The following TJP1 variants were observed in gnomAD, a reference collection of about 807,000 sequenced individuals.
TJP1 encodes tight junction protein 1, also known as tight junction protein ZO-1.
Under a neutral mutation model 194.2 loss-of-function variants are expected in TJP1, and 43 were observed. The ratio of observed to expected loss-of-function variants is 0.22; its 90% CI spans 0.17 to 0.29. TJP1 has a LOEUF of 0.29. Ranked by LOEUF, TJP1 falls within the 10% of genes least tolerant of loss-of-function variation. TJP1 has a pLI of 1.00. For synonymous variants in TJP1, 801 were observed against 779.0 expected, an observed-to-expected ratio of 1.03 and a Z score of -0.47; for missense variants, 1,971 against 2,185.7, an observed-to-expected ratio of 0.90 and a Z score of 1.96.
chr15:29,813,724 G>T (rs2049699182), intron 1 of TJP1, among the ~76,000 whole-genome samples: 1 of 152,146 alleles, frequency 6.6e-6, no homozygotes, highest in African/African-American at 2.4e-5. Context: ...CCCAGAAAAG[G>T]CATGTTAGGG....
intron 2 of TJP1, among the ~76,000 whole-genome samples, chr15:29,836,595 A>T (rs535586808): frequency 6.6e-6 from 1 of 152,258 alleles, no homozygotes; most frequent in African/African-American, 2.4e-5. Context: ...TAAAGAGTCA[A>T]CCTGGGACAC....
At chr15:29,925,314 G>T (rs547889792) in intron 2 of TJP1, among the ~76,000 whole-genome samples, 9 of 152,312 alleles carry the variant, frequency 5.9e-5, no homozygotes, top group African/African-American at 1.7e-4. Context: ...CACACAGCAT[G>T]AGGAAGCAAG....
intron 2 of TJP1, among the ~76,000 whole-genome samples, chr15:29,952,471 T>C (rs2055785518): frequency 6.6e-6 from 1 of 152,014 alleles, no homozygotes; most frequent in African/African-American, 2.4e-5. Context: ...AATGGCATCA[T>C]TCTGATGATG....
At chr15:29,932,922 A>C (rs190017208) in intron 2 of TJP1, among the ~76,000 whole-genome samples, 2 of 152,326 alleles carry the variant, frequency 1.3e-5, no homozygotes, top group African/African-American at 4.8e-5. Flanking sequence ...AAAACAATTT[A>C]ATGATTAATA....
At position 29,718,436 on chromosome 15, in the gene TJP1, C is replaced by T. The variant is rs758544035; in HGVS notation, c.3706G>A (p.Ala1236Thr). 29 of 1,614,046 alleles carry T rather than the reference C, an allele frequency of 1.8e-5. No individual in the cohort carries two copies. The South Asian group carries it at 2.3e-4, about 13-fold the overall frequency. Residue 1236 changes from alanine to threonine, a missense_variant, in exon 21 of 28, where the codon GCT (alanine) becomes ACT (threonine). By Grantham distance (58) the Ala-to-Thr change is moderately conservative (BLOSUM62 0). Transcript: ENST00000614355. ...LIPSSQHKPEALPSNTKPLPP... is the reference protein window; with the variant it reads ...LIPSSQHKPETLPSNTKPLPP... ...AGTGGTTTGGTGTTTGAAGGCAGAG[C>T]TTCTGGCTTATGCTGAGATGAAGGT...
chr15:29,746,663 GA>G (rs2044805116), intron 8 of TJP1, among the ~76,000 whole-genome samples: 1 of 151,682 alleles, frequency 6.6e-6, no homozygotes, highest in East Asian at 1.9e-4. Context: ...AATAAAGATT[GA>G]AAAAATATAT....
chr15:29,777,508 G>T (rs2047092882), intron 2 of TJP1, among the ~76,000 whole-genome samples: 1 of 151,976 alleles, frequency 6.6e-6, no homozygotes, highest in African/African-American at 2.4e-5. Context: ...ATAAAACAAT[G>T]AAACAATTTA....
chr15:29,730,908 G>C (rs949586266), intron 15 of TJP1: 7 of 1,230,750 alleles, frequency 5.7e-6, no homozygotes, highest in Admixed American at 5.0e-5. Flanking sequence ...TGGCAAGGAG[G>C]GGAATAACCC....
intron 2 of TJP1, among the ~76,000 whole-genome samples, chr15:29,937,639 C>A (rs1403958181): frequency 6.6e-6 from 1 of 152,134 alleles, no homozygotes; most frequent in Non-Finnish European, 1.5e-5. Context: ...GCAGACAACA[C>A]GGACCCACTC....
At chr15:29,797,470 A>G (rs1184021072) in intron 2 of TJP1, among the ~76,000 whole-genome samples, 1 of 152,108 alleles carries the variant, frequency 6.6e-6, no homozygotes, top group Non-Finnish European at 1.5e-5. Context: ...CAAAACTTAA[A>G]GCATGTACTG....
Position 29,700,245 on chromosome 15 carries a change from G to A in TJP1, c.*1350C>T, listed in dbSNP as rs1269692447. On this transcript the variant is annotated 3_prime_UTR_variant, in exon 28 of 28. Coordinates refer to ENST00000614355, the MANE Select transcript of TJP1 (RefSeq NM_001330239.4). ...AGTCACACCTAATGATTAACAGAAT[G>A]TAGTGGTGTATTATCTAAACAGAAA... 2.5e-6 allele frequency: 1 copy of A among 398,944 alleles called. No individual in the cohort carries two copies. Among genetic ancestry groups the A allele is most frequent in the Non-Finnish European group, 4.4e-6 (1 of 226,044 alleles). 24.7% of individuals were successfully genotyped at this position (398,944 alleles called of 1,614,324 possible). A position where few individuals can be genotyped will look rare whatever the true frequency, so the allele number is the denominator to read the frequency against.
Position 29,721,480 on chromosome 15 carries a change from A to T in TJP1, c.2413-772T>A, listed in dbSNP as rs543616301. Among the ~76,000 whole-genome samples the T allele has an allele frequency of 1.2e-4, 18 of 152,294 alleles. No homozygotes were observed. The South Asian group carries it at 3.7e-3, about 32-fold the overall frequency. The stretch of plus-strand genomic sequence containing the variant: ...CCTCCCCAGAAGCAGAAGCCTGTAC[A>T]GCCTGCAGAACTGTGAGCCAATGAA... On this transcript the variant is annotated intron_variant, in intron 18 of 27. Coordinates refer to ENST00000614355, the MANE Select transcript of TJP1 (RefSeq NM_001330239.4).
intron 1 of TJP1, among the ~76,000 whole-genome samples, chr15:29,819,214 G>A (rs1239667989): frequency 2.6e-5 from 4 of 151,998 alleles, no homozygotes; most frequent in Non-Finnish European, 4.4e-5. Flanking sequence ...TTTAGCCTAT[G>A]AGGCAGAAAA....
intron 1 of TJP1, among the ~76,000 whole-genome samples, chr15:29,818,255 G>T (rs1264469920): frequency 6.6e-6 from 1 of 152,076 alleles, no homozygotes; most frequent in Admixed American, 6.6e-5. Flanking sequence ...TCCTCCAAAG[G>T]AAAACAGCTT....
chr15:29,956,686 C>T (rs571788204), intron 1 of TJP1, among the ~76,000 whole-genome samples: 1 of 152,164 alleles, frequency 6.6e-6, no homozygotes, highest in South Asian at 2.1e-4. Flanking sequence ...TCGAGCCCAG[C>T]CTGGGCAATA....
intron 2 of TJP1, among the ~76,000 whole-genome samples, chr15:29,955,753 T>TAAAGAAAAA (rs2055912656): frequency 2.8e-5 from 1 of 35,798 alleles, no homozygotes; most frequent in Non-Finnish European, 5.0e-5. Context: ...CCTGGCTCTT[T>TAAAGAAAAA]AAAAAAAAAA....
In TJP1 at chr15:29,789,075, G is replaced by A. The variant is rs533903971; in HGVS notation, c.84+11571C>T. On this transcript the variant is annotated intron_variant, in intron 2 of 27. Coordinates refer to ENST00000614355, the MANE Select transcript of TJP1 (RefSeq NM_001330239.4). ...TATCACATGTTGAAATATATTTTGTGCATACTAAATAAGACCTATTATAAA... is the reference window on the plus strand; with the variant it reads ...TATCACATGTTGAAATATATTTTGTACATACTAAATAAGACCTATTATAAA... Among the ~76,000 whole-genome samples the A allele has an allele frequency of 5.3e-5, 8 of 152,156 alleles. No individual in the cohort carries two copies. The East Asian group carries it at 1.3e-3, about 26-fold the overall frequency.
At chr15:29,931,135 A>G (rs1006730789) in intron 2 of TJP1, among the ~76,000 whole-genome samples, 3 of 152,188 alleles carry the variant, frequency 2.0e-5, no homozygotes, top group Non-Finnish European at 4.4e-5. Context: ...AAACTAGAGG[A>G]AAGAAAATGT....
upstream of TJP1, chr15:29,968,991 T>C (rs1266061862): frequency 6.8e-6 from 1 of 146,802 alleles, no homozygotes. Context: ...CCGCCGTGCG[T>C]GGCCCGCAGC....
Sources: gnomAD v4.1 joint callset for allele counts (sites outside exome capture counted in the v4.1 genomes callset) on GRCh38, gnomAD v4.1.1 for gene constraint, MANE v1.5 for transcripts, NCBI Gene and HGNC (gene_info 2026-07-23, HGNC 2026-07-21) for gene names.